OOSP2: variants seen among roughly 807,000 people sequenced by gnomAD.
OOSP2 encodes the protein oocyte-secreted protein 2.
In OOSP2, 7 loss-of-function variants were observed where a neutral mutation model predicts 13.4. The observed-to-expected ratio is 0.52, with a 90% CI of 0.30 to 0.98. The LOEUF is 0.98. OOSP2 is among the 50% of genes least tolerant of loss of function. The pLI, the probability that OOSP2 is intolerant of heterozygous loss-of-function variation, is 0.07. For synonymous variants in OOSP2, 75 were observed against 67.2 expected (o/e 1.12, Z -0.57); for missense variants, 184 against 188.5 (o/e 0.98, Z 0.14).
chr11:60,045,905 C>T (rs1424616839), intron 3 of OOSP2, among the ~76,000 whole-genome samples: 1 of 152,144 alleles, frequency 6.6e-6, no homozygotes, highest in Non-Finnish European at 1.5e-5. Context: ...AGAAACCACC[C>T]CTTGATTCTC....
At chr11:60,042,558 A>G (rs1272579219) in intron 1 of OOSP2, among the ~76,000 whole-genome samples, 1 of 152,214 alleles carries the variant, frequency 6.6e-6, no homozygotes, top group African/African-American at 2.4e-5. Flanking sequence ...ATCTATTGCA[A>G]ATAATGATTA....
intron 3 of OOSP2, 32 bp downstream of exon 3, chr11:60,044,806 G>A (rs756550725): frequency 1.9e-6 from 2 of 1,034,868 alleles, no homozygotes; most frequent in South Asian, 2.8e-5. Context: ...CCTTTGGAAT[G>A]TTTTAGCTTT....
rs2134643879 is a variant in OOSP2 at position 60,048,015 on chromosome 11, T to C, written c.*942T>C. On this transcript the variant is annotated 3_prime_UTR_variant, in exon 4 of 4. Coordinates refer to ENST00000278855, the MANE Select transcript of OOSP2 (RefSeq NM_173801.5). ...GATACTGTTTATTATTATTTTTAAT[T>C]AAAGTGATACTATTCCATTTTCAAT... is the stretch of plus-strand genomic sequence containing the variant. The C allele has an allele frequency of 6.6e-6, 1 of 152,252 alleles. No homozygotes were observed. The highest frequency in any genetic ancestry group is 2.4e-5 in the African/African-American group (1 of 41,560). The allele number at this position is 152,252 out of a possible 1,614,324, so 9.4% of individuals were successfully genotyped here.
intron 3 of OOSP2, among the ~76,000 whole-genome samples, chr11:60,045,802 G>A (rs1275318157): frequency 3.9e-5 from 6 of 152,102 alleles, no homozygotes; most frequent in Non-Finnish European, 5.9e-5. Flanking sequence ...TTTTCATAAA[G>A]TATTTTCATA....
chr11:60,041,994 C>T (rs1854938306), intron 1 of OOSP2, among the ~76,000 whole-genome samples: 1 of 151,846 alleles, frequency 6.6e-6, no homozygotes, highest in Non-Finnish European at 1.5e-5. Context: ...TGCCTGTAGC[C>T]TGTAGTCCCA....
rs370457264 is a variant in OOSP2, at chr11:60,043,540, A to G, written c.136A>G (p.Ile46Val). Residue 46 changes from isoleucine (I) to valine (V), a missense_variant, in exon 2 of 4, where the codon ATA becomes GTA. Physicochemically the swap from Ile to Val is conservative, Grantham distance 29. Coordinates refer to ENST00000278855, the MANE Select transcript of OOSP2 (RefSeq NM_173801.5). ...IPVAESRNLY[I>V]FADELHLGMG... ...AGTTGCAGAAAGCAGAAATCTGTAT[A>G]TATTTGCGGATGAATTACATCTGGG... 20 of 1,611,876 alleles carry G rather than the reference A, an allele frequency of 1.2e-5. No individual in the cohort carries two copies. In the South Asian group the frequency reaches 2.1e-4, roughly 17 times the overall value.
At chr11:60,041,809 C>T (rs572570992) in intron 1 of OOSP2, among the ~76,000 whole-genome samples, 2 of 142,474 alleles carry the variant, frequency 1.4e-5, no homozygotes, top group Admixed American at 7.5e-5. Context: ...TGAGATCACA[C>T]CACTGCACTC....
At chr11:60,045,811 T>C (rs567145226) in intron 3 of OOSP2, among the ~76,000 whole-genome samples, 1 of 152,332 alleles carries the variant, frequency 6.6e-6, no homozygotes, top group Non-Finnish European at 1.5e-5. Context: ...AGTATTTTCA[T>C]AATACTTTTA....
intron 1 of OOSP2, 75 bp downstream of exon 1, chr11:60,040,598 C>A: frequency 2.4e-6 from 2 of 850,030 alleles, no homozygotes; most frequent in South Asian, 1.4e-5. Context: ...AGGTGTTTTA[C>A]TCCCTGAAGA....
intron 1 of OOSP2, among the ~76,000 whole-genome samples, chr11:60,043,137 C>G (rs1228546376): frequency 6.6e-6 from 1 of 152,122 alleles, no homozygotes; most frequent in Non-Finnish European, 1.5e-5. Context: ...ATCTCCTGAC[C>G]TTGTAATGCG....
intron 1 of OOSP2, among the ~76,000 whole-genome samples, chr11:60,041,170 TTC>T (rs1461819116): frequency 5.3e-5 from 8 of 152,086 alleles, no homozygotes; most frequent in African/African-American, 1.9e-4. Context: ...TCTTTATGGT[TTC>T]TTTTTGTAGA....
chr11:60,042,971 C>T (rs1039007382), intron 1 of OOSP2, among the ~76,000 whole-genome samples: 1 of 151,768 alleles, frequency 6.6e-6, no homozygotes, highest in African/African-American at 2.4e-5. Flanking sequence ...GTGGCGCGAT[C>T]TTGGTTCACT....
intron 1 of OOSP2, 124 bp from the exon 2 acceptor site, chr11:60,043,345 A>G (rs1363818282): frequency 1.3e-5 from 7 of 532,884 alleles, no homozygotes; most frequent in African/African-American, 9.3e-5. Context: ...CCTTTAAGCC[A>G]TGGTTACCCT....
chr11:60,041,576 G>A (rs1315320954), intron 1 of OOSP2, among the ~76,000 whole-genome samples: 1 of 152,044 alleles, frequency 6.6e-6, no homozygotes, highest in Non-Finnish European at 1.5e-5. Context: ...GGCTGGGCAC[G>A]GTGGCTGATA....
At chr11:60,043,702 C>T in intron 2 of OOSP2, 55 bp downstream of exon 2, 1 of 976,506 alleles carries the variant, frequency 1.0e-6, no homozygotes, top group Non-Finnish European at 1.6e-6. Flanking sequence ...GACTTTTATG[C>T]CTAGTATTAA....
At chr11:60,046,235 C>T (rs574366532) in intron 3 of OOSP2, among the ~76,000 whole-genome samples, 4 of 152,100 alleles carry the variant, frequency 2.6e-5, no homozygotes, top group African/African-American at 9.6e-5. Context: ...CTCCCTGTCT[C>T]TCTCCATCTC....
intron 1 of OOSP2, 102 bp from the exon 2 acceptor site, chr11:60,043,367 T>A: frequency 1.6e-6 from 1 of 621,514 alleles, no homozygotes; most frequent in East Asian, 2.6e-5. Context: ...GCCAGAGAAA[T>A]AAATGCCTTT....
At chr11:60,046,371 G>A (rs1166922834) in intron 3 of OOSP2, among the ~76,000 whole-genome samples, 1 of 152,116 alleles carries the variant, frequency 6.6e-6, no homozygotes, top group African/African-American at 2.4e-5. Flanking sequence ...TCCGTAGGCT[G>A]CCAGAGTAAT....
intron 1 of OOSP2, among the ~76,000 whole-genome samples, chr11:60,041,612 C>A (rs1854928144): frequency 6.6e-6 from 1 of 152,042 alleles, no homozygotes; most frequent in Non-Finnish European, 1.5e-5. Context: ...CTTTGGGAAG[C>A]CGAGACGGGT....
Sources: gnomAD v4.1 joint callset for allele counts (sites outside exome capture counted in the v4.1 genomes callset) on GRCh38, gnomAD v4.1.1 for gene constraint, MANE v1.5 for transcripts, NCBI Gene and HGNC (gene_info 2026-07-23, HGNC 2026-07-21) for gene names.